The following ZNF407 variants were observed in gnomAD, a reference collection of about 807,000 sequenced individuals.
ZNF407 encodes the protein zinc finger protein 407.
Under a neutral mutation model 131.2 loss-of-function variants are expected in ZNF407, and 17 were observed. That is an observed-to-expected ratio of 0.13 (90% CI 0.09 to 0.19). The LOEUF (loss-of-function observed/expected upper bound fraction) is 0.19, where lower values mean the gene tolerates loss of function less well. Ranked by LOEUF, ZNF407 falls within the 10% of genes least tolerant of loss-of-function variation. The probability of loss-of-function intolerance (pLI) is 1.00; values close to 1 mark genes in which losing one functional copy is unlikely to be tolerated. For synonymous variants in ZNF407, 1,156 were observed against 1,062.0 expected (o/e 1.09, Z -1.72); for missense variants, 2,681 against 2,830.6 (o/e 0.95, Z 1.20).
At chr18:74,697,182 T>C (rs993840965) in intron 3 of ZNF407, among the ~76,000 whole-genome samples, 5 of 152,158 alleles carry the variant, frequency 3.3e-5, no homozygotes, top group Non-Finnish European at 7.4e-5. Flanking sequence ...ACGTTTGCAT[T>C]TCCCTCATCA....
At chr18:74,969,922 G>A (rs1440846957) in intron 8 of ZNF407, among the ~76,000 whole-genome samples, 1 of 152,180 alleles carries the variant, frequency 6.6e-6, no homozygotes, top group East Asian at 1.9e-4. Context: ...TTTGCACGCT[G>A]TTGATAAAGG....
intron 3 of ZNF407, among the ~76,000 whole-genome samples, chr18:74,687,047 A>C (rs547545011): frequency 6.6e-6 from 1 of 152,346 alleles, no homozygotes; most frequent in South Asian, 2.1e-4. Context: ...CACAATAAAC[A>C]GAAGAAAATA....
At chr18:74,997,135 C>A (rs1275949748) in intron 8 of ZNF407, among the ~76,000 whole-genome samples, 1 of 152,208 alleles carries the variant, frequency 6.6e-6, no homozygotes, top group Non-Finnish European at 1.5e-5. Context: ...TCACCTGAAT[C>A]CAGCTGTTCC....
chr18:74,655,007 T>G (rs945568783), intron 3 of ZNF407, among the ~76,000 whole-genome samples: 1 of 151,976 alleles, frequency 6.6e-6, no homozygotes, highest in Non-Finnish European at 1.5e-5. Flanking sequence ...TAAAAAGTGG[T>G]ATTTTACTTT....
intron 4 of ZNF407, among the ~76,000 whole-genome samples, chr18:74,841,567 A>C (rs1970634064): frequency 6.6e-6 from 1 of 152,162 alleles, no homozygotes; most frequent in Admixed American, 6.5e-5. Flanking sequence ...ACCTGTGTTC[A>C]CCCAGGTGCC....
chr18:74,831,950 G>A (rs1250335829), intron 4 of ZNF407, among the ~76,000 whole-genome samples: 1 of 152,190 alleles, frequency 6.6e-6, no homozygotes, highest in African/African-American at 2.4e-5. Context: ...TTCTCTCGTG[G>A]CTGCCTCTGA....
At chr18:74,658,901 T>C (rs1050943262) in intron 3 of ZNF407, among the ~76,000 whole-genome samples, 1 of 152,198 alleles carries the variant, frequency 6.6e-6, no homozygotes, top group Admixed American at 6.5e-5. Flanking sequence ...TGTAAATCTC[T>C]GAAGGAATTT....
chr18:74,791,468 G>C (rs1969824710), intron 4 of ZNF407, among the ~76,000 whole-genome samples: 1 of 152,140 alleles, frequency 6.6e-6, no homozygotes, highest in Non-Finnish European at 1.5e-5. Context: ...AGCCTATCGT[G>C]GAAGAAGGCT....
In ZNF407 at chr18:75,063,574, C is replaced by T. The variant is rs373736834; in HGVS notation, c.5853C>T (p.His1951=). ...VVVVGGSMEG[H]GMDESLSPGG... Reference sequence around the variant, plus strand: ...TCGTGGGGGGCTCCATGGAAGGCCACGGCATGGATGAGTCCCTCAGTCCAG... The same window carrying T: ...TCGTGGGGGGCTCCATGGAAGGCCATGGCATGGATGAGTCCCTCAGTCCAG... Residue 1951 remains histidine, a synonymous_variant, in exon 9 of 9, where the codon CAC becomes CAT. Transcript: ENST00000299687. This position sits in a 1 kb window ranked among gnomAD's most constrained non-coding sequence, Gnocchi z 6.6. 1.6e-5 allele frequency: 25 copies of T among 1,567,382 alleles called. No individual in the cohort carries two copies. Among genetic ancestry groups the T allele is most frequent in the Non-Finnish European group, 1.7e-5 (20 of 1,157,868 alleles).
rs781639653 is a variant in ZNF407 at position 74,632,321 on chromosome 18, C to T, written c.1302C>T (p.Phe434=). The T allele has an allele frequency of 1.2e-6, 2 of 1,613,978 alleles. No individual in the cohort carries two copies. Among genetic ancestry groups the T allele is most frequent in the Non-Finnish European group, 1.7e-6 (2 of 1,179,898 alleles). Residue 434 remains phenylalanine, a synonymous_variant, in exon 2 of 9, where the codon TTC becomes TTT. Coordinates refer to ENST00000299687, the MANE Select transcript of ZNF407 (RefSeq NM_017757.3). ...GNSFRRRSST[F]TLKGQAKKRF... is the part of the protein sequence containing the mutation. ...GCTTTCGTCGACGAAGCAGCACTTT[C>T]ACCTTGAAGGGCCAGGCAAAGAAAA...
At position 74,615,605 on chromosome 18, in the gene ZNF407, C is replaced by T. The variant is rs184364550; in HGVS notation, c.-53-15362C>T. On this transcript the variant is annotated intron_variant, in intron 1 of 8. Transcript: ENST00000299687. Reference sequence around the variant, plus strand: ...TGTTGGGTTGGTTCTAGCACTGTATCCAAATCTAAAAGGAATGGCAGATTA... The same window carrying T: ...TGTTGGGTTGGTTCTAGCACTGTATTCAAATCTAAAAGGAATGGCAGATTA... Among the ~76,000 whole-genome samples, 503 of 152,288 alleles carry T rather than the reference C, an allele frequency of 3.3e-3. 4 individuals carry two copies. The highest frequency in any genetic ancestry group is 5.5e-3 in the Admixed American group (84 of 15,298).
chr18:74,694,593 G>C (rs964158288), intron 3 of ZNF407, among the ~76,000 whole-genome samples: 15 of 152,058 alleles, frequency 9.9e-5, no homozygotes, highest in Non-Finnish European at 1.6e-4. Context: ...AGTTCCAACT[G>C]ATTCATTTTT....
chr18:74,931,905 T>A (rs1182827056), intron 8 of ZNF407, among the ~76,000 whole-genome samples: 1 of 152,202 alleles, frequency 6.6e-6, no homozygotes, highest in African/African-American at 2.4e-5. Flanking sequence ...ATTTTTGAGA[T>A]CATTTTTATT....
intron 1 of ZNF407, among the ~76,000 whole-genome samples, chr18:74,599,488 G>A (rs1177317863): frequency 6.6e-6 from 1 of 152,152 alleles, no homozygotes; most frequent in Non-Finnish European, 1.5e-5. Flanking sequence ...TTCCCTAGAG[G>A]ATTTTGAGAT....
At chr18:74,833,508 G>A (rs1173299705) in intron 4 of ZNF407, among the ~76,000 whole-genome samples, 4 of 152,210 alleles carry the variant, frequency 2.6e-5, no homozygotes, top group Non-Finnish European at 5.9e-5. Flanking sequence ...GCACTGCACA[G>A]AGAGGTGTAG....
chr18:74,803,908 C>CAGTA (rs1428877846), intron 4 of ZNF407: 1 of 1,533,556 alleles, frequency 6.5e-7, no homozygotes, highest in Non-Finnish European at 8.8e-7. Flanking sequence ...GAATGCTTTA[C>CAGTA]AACGTGCCTT....
chr18:74,792,776 G>A (rs768883358), intron 4 of ZNF407, among the ~76,000 whole-genome samples: 26 of 151,950 alleles, frequency 1.7e-4, no homozygotes, highest in Non-Finnish European at 2.9e-4. Context: ...TAGCTGAAAC[G>A]AAAAACAATT....
chr18:74,662,553 A>G (rs1985760049), intron 3 of ZNF407, among the ~76,000 whole-genome samples: 1 of 152,182 alleles, frequency 6.6e-6, no homozygotes, highest in South Asian at 2.1e-4. Context: ...GTTTATAGAA[A>G]CCTCTAATAT....
intron 8 of ZNF407, among the ~76,000 whole-genome samples, chr18:74,993,970 A>G (rs935602359): frequency 3.3e-5 from 5 of 152,244 alleles, no homozygotes; most frequent in Non-Finnish European, 7.3e-5. Context: ...GGAGATTCAC[A>G]GACACGCCAC....
Sources: allele counts gnomAD v4.1 joint callset (sites outside exome capture counted in the v4.1 genomes callset), GRCh38; gene constraint gnomAD v4.1.1; non-coding constraint Gnocchi (gnomAD v3.1); transcripts MANE v1.5; gene names NCBI Gene and HGNC (gene_info 2026-07-23, HGNC 2026-07-21).